The following CACNA1F variants were observed in gnomAD, a reference collection of about 807,000 sequenced individuals.
The protein encoded by CACNA1F is calcium voltage-gated channel subunit alpha1 F.
In CACNA1F, 59 loss-of-function variants were observed where a neutral mutation model predicts 143.8. The ratio of observed to expected loss-of-function variants is 0.41; its 90% CI spans 0.33 to 0.51. CACNA1F has a LOEUF of 0.51. Among genes scored for constraint, CACNA1F ranks in the 20% least tolerant of loss-of-function variants. The pLI is 0.22. For missense variants in CACNA1F, 1,411 were observed against 1,647.5 expected, an observed-to-expected ratio of 0.86 and a Z score of 2.48; for synonymous variants, 643 against 649.1, an observed-to-expected ratio of 0.99 and a Z score of 0.14.
At position 49,205,785 on chromosome X, in the gene CACNA1F, C is replaced by T. The variant is rs2065589265; in HGVS notation, c.5501G>A (p.Gly1834Asp). 2 of 1,203,037 alleles carry T rather than the reference C, an allele frequency of 1.7e-6. No homozygotes were observed. Among genetic ancestry groups the T allele is most frequent in the Non-Finnish European group, 1.1e-6 (1 of 891,295 alleles). The change falls in exon 47 of 48, where the codon GGT becomes GAT. Residue 1834 changes from glycine to aspartate, a missense_variant. This residue lies in a region of CACNA1F where 349 missense variants were observed against 350.2 expected (regional missense o/e 1.00). Transcript: ENST00000323022. ...CAACAGCGGGGCATACAGGAGCCGA[C>T]CCCGCTGAGGTGGTGTTGCCCAGGA... The part of the protein sequence containing the change: ...QGSWATPPQR[G>D]RLLYAPLLLV...
In CACNA1F at chrX:49,205,281, G is replaced by A. The variant is rs782363797; in HGVS notation, c.5757C>T (p.Arg1919=). ...CATTGTCCATCTCATCCAGCGTCAG[G>A]CGACACGCATCTGCAATCTCCTGCT... ...LAKQEIADAC[R]LTLDEMDNAA... is the part of the protein sequence containing the mutation. The change falls in exon 48 of 48, where the codon CGC becomes CGT. Residue 1919 remains arginine, a synonymous_variant. Transcript: ENST00000323022. 25 of 1,207,764 alleles carry A rather than the reference G, an allele frequency of 2.1e-5. No homozygotes were observed. In the East Asian group the frequency reaches 4.5e-4, roughly 22 times the overall value.
At chrX:49,232,440 A>G (rs1343965944) in intron 1 of CACNA1F, among the ~76,000 whole-genome samples, 1 of 111,691 alleles carries the variant, frequency 9.0e-6, no homozygotes, top group Admixed American at 9.5e-5. Flanking sequence ...AGGGCGGTAG[A>G]TTGGCCTGGT....
At chrX:49,226,797 G>T in intron 9 of CACNA1F, 95 bp from the exon 10 acceptor site, 1 of 990,795 alleles carries the variant, frequency 1.0e-6, no homozygotes. Context: ...CTTTATAGCT[G>T]AGGCTGGTCT....
intron 18 of CACNA1F, 134 bp downstream of exon 18, chrX:49,220,901 T>C (rs2065768530): frequency 1.7e-6 from 1 of 578,885 alleles, no homozygotes. Context: ...ATGGCACAAC[T>C]GCACTCCAGC....
At chrX:49,219,054 T>G in intron 21 of CACNA1F, 113 bp from the exon 22 acceptor site, 1 of 695,442 alleles carries the variant, frequency 1.4e-6, no homozygotes, top group Middle Eastern at 3.5e-4. Flanking sequence ...TGGACCCTTC[T>G]GCCTCTACCC....
chrX:49,233,188 A>C, intron 1 of CACNA1F, 97 bp downstream of exon 1: 3 of 741,555 alleles, frequency 4.0e-6, no homozygotes, highest in Non-Finnish European at 5.7e-6. Context: ...CTTGTCCCCT[A>C]GAGGCTCTCT....
Position 49,231,689 on chromosome X carries a change from G to C in CACNA1F, c.264C>G (p.Ile88Met), listed in dbSNP as rs142470309. 5.0e-6 allele frequency: 6 copies of C among 1,211,750 alleles called. No individual in the cohort carries two copies. The South Asian group carries it at 1.1e-4, about 21-fold the overall frequency. Residue 88 changes from isoleucine (I) to methionine (M), a missense_variant, in exon 2 of 48, where the codon ATC becomes ATG. This residue lies in a region of CACNA1F where 950 missense variants were observed against 1,128.1 expected (regional missense o/e 0.84). Coordinates refer to ENST00000323022, the MANE Select transcript of CACNA1F (RefSeq NM_001256789.3). ...ANPLRRSCIS[I>M]VEWKPFDILI... ...GCCTTCCAGGATGCTTCCACTCCAC[G>C]ATGCTGATGCAGGACCGTCGCAGAG...
intron 40 of CACNA1F, 60 bp downstream of exon 40, chrX:49,209,881 G>T: frequency 8.8e-7 from 1 of 1,137,716 alleles, no homozygotes; most frequent in Non-Finnish European, 1.2e-6. Flanking sequence ...GTTTTGTGGT[G>T]GAGAGCGATC....
intron 17 of CACNA1F, 105 bp downstream of exon 17, chrX:49,222,417 G>A (rs1448656641): frequency 1.7e-6 from 1 of 600,076 alleles, no homozygotes; most frequent in African/African-American, 2.2e-5. Flanking sequence ...TGGAGATGGG[G>A]ATTACCAGGG....
chrX:49,226,056 G>C lies in CACNA1F; in HGVS notation c.1504C>G (p.Arg502Gly), dbSNP rs1365490247. 8.4e-7 allele frequency: 1 copy of C among 1,187,281 alleles called. No individual in the cohort carries two copies. Among genetic ancestry groups the C allele is most frequent in the Non-Finnish European group, 1.1e-6 (1 of 883,521 alleles). ...MKTRVCRRLRRANRVLRARCR... is the reference protein window; with the variant it reads ...MKTRVCRRLRGANRVLRARCR... ...CGTGCCCGAAGGACCCGGTTGGCTC[G>C]GCGGAGGCGGCGGCTGGGGGAAGGG... Residue 502 changes from arginine (R) to glycine (G), a missense_variant, in exon 13 of 48, where the codon CGA becomes GGA. Physicochemically the swap from Arg to Gly is moderately radical, Grantham distance 125. Transcript: ENST00000323022.
chrX:49,219,992 T>C (rs1352811928), intron 19 of CACNA1F, among the ~76,000 whole-genome samples: 3 of 111,786 alleles, frequency 2.7e-5, no homozygotes, highest in Non-Finnish European at 5.6e-5. Context: ...GCTCAGTAAA[T>C]GTGTGTTGAA....
chrX:49,228,749 G>C lies in CACNA1F; in HGVS notation c.818-302C>G, dbSNP rs7050910. 0.089 allele frequency among the ~76,000 whole-genome samples: 9,950 copies of C among 111,691 alleles called. 1,139 individuals are homozygous for C. Among genetic ancestry groups the C allele is most frequent in the African/African-American group, 0.31 (9,414 of 30,583 alleles). ...CCGGCTAATTTTTTTTGTATTTTTA[G>C]TAGAGACGGGGGTTTCACCATATTG... is the stretch of plus-strand genomic sequence containing the variant. On this transcript the variant is annotated intron_variant, in intron 6 of 47. Transcript: ENST00000323022.
chrX:49,231,691 T>C lies in CACNA1F; in HGVS notation c.262A>G (p.Ile88Val). The change falls in exon 2 of 48, where the codon ATC (isoleucine) becomes GTC (valine). Residue 88 changes from isoleucine (I) to valine (V), a missense_variant. Around this residue, in one of 3 missense-constraint regions of CACNA1F, gnomAD observed 950 missense variants for 1,128.1 expected, o/e 0.84. Coordinates refer to ENST00000323022, the MANE Select transcript of CACNA1F (RefSeq NM_001256789.3). ...ANPLRRSCIS[I>V]VEWKPFDILI... is the part of the protein sequence containing the mutation. ...CTTCCAGGATGCTTCCACTCCACGA[T>C]GCTGATGCAGGACCGTCGCAGAGGA... 8.3e-7 allele frequency: 1 copy of C among 1,212,004 alleles called. No homozygotes were observed. Among genetic ancestry groups the C allele is most frequent in the South Asian group, 1.8e-5 (1 of 57,037 alleles).
intron 1 of CACNA1F, 74 bp downstream of exon 1, chrX:49,233,211 T>TTGGGGCTCTGGGGGGGGG: frequency 1.2e-6 from 1 of 802,320 alleles, no homozygotes. Flanking sequence ...GGGTGGGGTC[T>TTGGGGCTCTGGGGGGGGG]GGGTGGGCAA....
intron 26 of CACNA1F, 95 bp from the exon 27 acceptor site, chrX:49,216,623 G>C: frequency 1.2e-6 from 1 of 805,162 alleles, no homozygotes; most frequent in Non-Finnish European, 1.8e-6. Context: ...GGACATAGTG[G>C]TGGAGCAATA....
rs782081682 is a variant in CACNA1F, at chrX:49,206,430, T to G, written c.5472+81A>C. ...AAAAAAAAAAAAAAAGGGCCTGATA[T>G]GTGCTGTGTTTGAGAAATTCAGCCT... is the stretch of plus-strand genomic sequence containing the variant. On this transcript the variant is annotated intron_variant, in intron 46 of 47. Transcript: ENST00000323022. 1.5e-3 allele frequency: 756 copies of G among 520,273 alleles called. 5 individuals are homozygous for G. The highest frequency in any genetic ancestry group is 7.2e-3 in the South Asian group (275 of 38,428). 42.9% of individuals were successfully genotyped at this position (520,273 alleles called of 1,213,427 possible). A position where few individuals can be genotyped will look rare whatever the true frequency, so the allele number is the denominator to read the frequency against.
At chrX:49,210,473 C>A (rs1177028308) in intron 38 of CACNA1F, 70 bp from the exon 39 acceptor site, 40 of 1,021,511 alleles carry the variant, frequency 3.9e-5, no homozygotes, top group Non-Finnish European at 5.5e-5. Flanking sequence ...TGTCAAGGGG[C>A]AGAAACCTCT....
At chrX:49,212,068 C>G in intron 34 of CACNA1F, 79 bp from the exon 35 acceptor site, 2 of 877,225 alleles carry the variant, frequency 2.3e-6, no homozygotes, top group Non-Finnish European at 3.4e-6. Flanking sequence ...CTAAAGGAGC[C>G]TCATAACCCT....
chrX:49,223,374 G>A (rs1557109191), intron 14 of CACNA1F, among the ~76,000 whole-genome samples: 2 of 109,420 alleles, frequency 1.8e-5, no homozygotes, highest in Admixed American at 2.0e-4. Flanking sequence ...GGAGGCCAAG[G>A]CGTGTGGGTC....
Sources: allele counts gnomAD v4.1 joint callset (sites outside exome capture counted in the v4.1 genomes callset), GRCh38; gene constraint gnomAD v4.1.1; regional missense constraint gnomAD v4.1.1; transcripts MANE v1.5; gene names NCBI Gene and HGNC (gene_info 2026-07-23, HGNC 2026-07-21).